GRM7: variants seen among roughly 807,000 people sequenced by gnomAD.
GRM7 encodes the protein glutamate metabotropic receptor 7, also known as metabotropic glutamate receptor 7.
GRM7 carries 35 observed loss-of-function variants against 84.5 expected under a neutral mutation model. The observed-to-expected ratio is 0.41, with a 90% CI of 0.32 to 0.55. GRM7 has a LOEUF of 0.55. Ranked by LOEUF, GRM7 falls within the 20% of genes least tolerant of loss-of-function variation. The probability of loss-of-function intolerance (pLI) is 0.19; values close to 1 mark genes in which losing one functional copy is unlikely to be tolerated. For missense variants in GRM7, 1,003 were observed against 1,194.6 expected (o/e 0.84, Z 2.36); for synonymous variants, 487 against 455.1 (o/e 1.07, Z -0.89).
intron 4 of GRM7, among the ~76,000 whole-genome samples, chr3:7,361,586 T>C (rs1213378767): frequency 6.6e-6 from 1 of 152,114 alleles, no homozygotes; most frequent in Admixed American, 6.6e-5. Flanking sequence ...CCCCTGTAGA[T>C]TACCTTATCC....
Position 7,139,822 on chromosome 3 carries a change from G to A in GRM7, c.520-6630G>A, listed in dbSNP as rs181510479. Among the ~76,000 whole-genome samples, 41 of 151,894 alleles carry A rather than the reference G, an allele frequency of 2.7e-4. 1 individual carries two copies. In the East Asian group the frequency reaches 6.8e-3, roughly 25 times the overall value. On this transcript the variant is annotated intron_variant, in intron 1 of 9. Transcript: ENST00000357716. ...ACAAAAGCAAAAATAAATAAATGAG[G>A]CTTCATCAAACTAAAAAGTTTCTGT...
At chr3:7,295,419 T>C (rs2125016773) in intron 2 of GRM7, among the ~76,000 whole-genome samples, 1 of 152,286 alleles carries the variant, frequency 6.6e-6, no homozygotes, top group South Asian at 2.1e-4. Flanking sequence ...TAAACTTAAG[T>C]GGTGTGAATA....
At chr3:7,357,484 A>G (rs1294369159) in intron 4 of GRM7, among the ~76,000 whole-genome samples, 5 of 152,070 alleles carry the variant, frequency 3.3e-5, no homozygotes, top group Non-Finnish European at 7.4e-5. Context: ...GGCAGTTCCT[A>G]CAGACATATT....
intron 2 of GRM7, among the ~76,000 whole-genome samples, chr3:7,257,831 C>T (rs1160475973): frequency 2.0e-5 from 3 of 152,054 alleles, no homozygotes; most frequent in African/African-American, 7.2e-5. Flanking sequence ...TGAGATATTC[C>T]TACACTGAGT....
chr3:7,482,384 A>T (rs1342859420), intron 7 of GRM7, among the ~76,000 whole-genome samples: 1 of 152,178 alleles, frequency 6.6e-6, no homozygotes, highest in African/African-American at 2.4e-5. Flanking sequence ...TACCTACCTC[A>T]GTGTAGCTGC....
chr3:6,870,030 T>C (rs766353323), intron 1 of GRM7, among the ~76,000 whole-genome samples: 7 of 152,078 alleles, frequency 4.6e-5, no homozygotes, highest in Non-Finnish European at 8.8e-5. Flanking sequence ...TTTTTTTTTC[T>C]TTTTGCTTCT....
chr3:7,665,543 G>T (rs1033241493), intron 8 of GRM7, among the ~76,000 whole-genome samples: 26 of 152,130 alleles, frequency 1.7e-4, no homozygotes, highest in South Asian at 8.3e-4. Flanking sequence ...GCACTCCATG[G>T]TAAAGAATCA....
At position 7,353,303 on chromosome 3, in the gene GRM7, C is replaced by T. The variant is rs112940970; in HGVS notation, c.1033+46651C>T. On this transcript the variant is annotated intron_variant, in intron 4 of 9. Coordinates refer to ENST00000357716, the MANE Select transcript of GRM7 (RefSeq NM_000844.4). The stretch of plus-strand genomic sequence containing the variant: ...AGGTAGAAATCCAGGAAACATGTAA[C>T]CTGTGTGGGAATGGTAGGAATGAAT... Among the ~76,000 whole-genome samples the T allele has an allele frequency of 4.8e-4, 73 of 152,046 alleles. 1 individual carries two copies. In the South Asian group the frequency reaches 9.1e-3, roughly 19 times the overall value.
At chr3:7,503,863 G>T (rs148372653) in intron 7 of GRM7, among the ~76,000 whole-genome samples, 1 of 152,096 alleles carries the variant, frequency 6.6e-6, no homozygotes, top group African/African-American at 2.4e-5. Flanking sequence ...CAGAGCTAAG[G>T]CAACTTATAG....
At chr3:7,626,749 A>G (rs1050153806) in intron 8 of GRM7, among the ~76,000 whole-genome samples, 9 of 152,142 alleles carry the variant, frequency 5.9e-5, no homozygotes, top group African/African-American at 1.2e-4. Context: ...TACATATTCA[A>G]TGGCCCTATT....
intron 4 of GRM7, among the ~76,000 whole-genome samples, chr3:7,341,501 C>T (rs542563784): frequency 3.3e-5 from 5 of 151,862 alleles, no homozygotes; most frequent in African/African-American, 4.8e-5. Context: ...ATCCCACACA[C>T]GGCCTGACTC....
At chr3:7,207,067 A>G (rs990068208) in intron 2 of GRM7, among the ~76,000 whole-genome samples, 6 of 152,238 alleles carry the variant, frequency 3.9e-5, no homozygotes, top group African/African-American at 9.6e-5. Context: ...GTAATCTGAA[A>G]GAGAAATAGA....
intron 9 of GRM7, among the ~76,000 whole-genome samples, chr3:7,701,122 G>A (rs979476922): frequency 1.1e-4 from 17 of 152,184 alleles, no homozygotes; most frequent in Non-Finnish European, 2.4e-4. Flanking sequence ...CCAGCATCCT[G>A]AGACATGCTT....
intron 2 of GRM7, among the ~76,000 whole-genome samples, chr3:7,271,909 C>G (rs1031031075): frequency 6.6e-6 from 1 of 152,030 alleles, no homozygotes; most frequent in African/African-American, 2.4e-5. Flanking sequence ...CTCTAAGATC[C>G]GTGTTTCTGT....
At chr3:7,362,173 T>C (rs1282766921) in intron 4 of GRM7, among the ~76,000 whole-genome samples, 1 of 152,108 alleles carries the variant, frequency 6.6e-6, no homozygotes, top group Admixed American at 6.6e-5. Context: ...GTCATTTTTT[T>C]AGTCATTTGT....
intron 9 of GRM7, among the ~76,000 whole-genome samples, chr3:7,705,547 A>G (rs1440156966): frequency 2.0e-5 from 3 of 152,240 alleles, no homozygotes; most frequent in Non-Finnish European, 4.4e-5. Context: ...ATTATGAAAC[A>G]AAGCTACAGA....
intron 7 of GRM7, among the ~76,000 whole-genome samples, chr3:7,548,475 C>G (rs957188279): frequency 7.2e-5 from 11 of 152,192 alleles, no homozygotes; most frequent in African/African-American, 2.7e-4. Context: ...TCAGGTGTTT[C>G]TCTATAGCAA....
chr3:7,486,032 T>TAAAATC lies in GRM7; in HGVS notation c.1515+24310_1515+24311insAAAATC, dbSNP rs1699307741. ...AACAAATACAGTAAATGTGTATTTA[T>TAAAATC]TTACATACCACATCTTATAGAAGTT... On this transcript the variant is annotated intron_variant, in intron 7 of 9. Coordinates refer to ENST00000357716, the MANE Select transcript of GRM7 (RefSeq NM_000844.4). This position sits in a 1 kb window ranked among gnomAD's most constrained non-coding sequence, Gnocchi z 5.5. Among the ~76,000 whole-genome samples the TAAAATC allele has an allele frequency of 4.6e-5, 7 of 152,272 alleles. No homozygotes were observed. Among genetic ancestry groups the TAAAATC allele is most frequent in the African/African-American group, 1.4e-4 (6 of 41,548 alleles).
chr3:7,661,702 A>G (rs936105235), intron 8 of GRM7, among the ~76,000 whole-genome samples: 5 of 144,340 alleles, frequency 3.5e-5, no homozygotes, highest in African/African-American at 1.0e-4. Context: ...GCTGAGGCAG[A>G]AGAATGGGGT....
Sources: allele counts gnomAD v4.1 joint callset (sites outside exome capture counted in the v4.1 genomes callset), GRCh38; gene constraint gnomAD v4.1.1; non-coding constraint Gnocchi (gnomAD v3.1); transcripts MANE v1.5; gene names NCBI Gene and HGNC (gene_info 2026-07-23, HGNC 2026-07-21).